CNTN1: variants seen among roughly 807,000 people sequenced by gnomAD.
CNTN1 encodes the protein contactin 1.
Under a neutral mutation model 126.4 loss-of-function variants are expected in CNTN1, and 38 were observed. The observed-to-expected ratio is 0.30, with a 90% confidence interval of 0.23 to 0.39. The LOEUF is 0.39. Among genes scored for constraint, CNTN1 ranks in the 10% least tolerant of loss-of-function variants. The pLI is 1.00. For synonymous variants in CNTN1, 413 were observed against 422.6 expected (o/e 0.98, Z 0.28); for missense variants, 1,009 against 1,248.4 (o/e 0.81, Z 2.89).
intron 14 of CNTN1, among the ~76,000 whole-genome samples, chr12:40,948,264 T>TC (rs1946512750): frequency 7.1e-6 from 1 of 141,100 alleles, no homozygotes; most frequent in Non-Finnish European, 1.5e-5. Flanking sequence ...CTTTCTTTTT[T>TC]TTTTTTTTTT....
Position 40,922,259 on chromosome 12 carries a change from G to T in CNTN1, c.231G>T (p.Trp77Cys). The T allele has an allele frequency of 6.2e-7, 1 of 1,613,792 alleles. No homozygotes were observed. Reference sequence around the variant, plus strand: ...CCTTTGTGTCTTTTTCTCATAGATGGAGAATGAATAATGGGGACGTTGATC... The same window carrying T: ...CCTTTGTGTCTTTTTCTCATAGATGTAGAATGAATAATGGGGACGTTGATC... The part of the protein sequence containing the change: ...ARASPFPVYK[W>C]RMNNGDVDLT... Residue 77 changes from tryptophan (W) to cysteine (C), a missense_variant, in exon 5 of 24, where the codon TGG becomes TGT. Trp to Cys is a radical substitution (Grantham distance 215, BLOSUM62 -2). Transcript: ENST00000551295.
intron 1 of CNTN1, among the ~76,000 whole-genome samples, chr12:40,693,498 CAG>C (rs1226108777): frequency 2.0e-5 from 3 of 152,340 alleles, no homozygotes; most frequent in Admixed American, 6.5e-5. Context: ...AGAAGAATTG[CAG>C]AGAGATCCGA....
At chr12:40,713,936 C>T (rs1941987179) in intron 1 of CNTN1, among the ~76,000 whole-genome samples, 1 of 152,014 alleles carries the variant, frequency 6.6e-6, no homozygotes, top group Non-Finnish European at 1.5e-5. Context: ...CTCTATTTCT[C>T]ACTGCTAAGA....
At position 41,071,083 on chromosome 12, in the gene CNTN1, CAATAATAAT is replaced by C. The variant is rs3072067; in HGVS notation, c.*1061_*1069del. 6.6e-6 allele frequency: 1 copy of C among 150,436 alleles called. No homozygotes were observed. Among genetic ancestry groups the C allele is most frequent in the Non-Finnish European group, 1.5e-5 (1 of 67,570 alleles). 9.3% of individuals were successfully genotyped at this position (150,436 alleles called of 1,614,324 possible). On this transcript the variant is annotated 3_prime_UTR_variant, in exon 24 of 24. Coordinates refer to ENST00000551295, the MANE Select transcript of CNTN1 (RefSeq NM_001843.4). Reference sequence around the variant, plus strand: ...ACCGTATTCCATTTTGTAAAAATAACAATAATAATAATAATAATAATTAGTTTTAAGCTC... The same window carrying C: ...ACCGTATTCCATTTTGTAAAAATAACAATAATAATAATTAGTTTTAAGCTC...
At chr12:40,958,111 A>G (rs1018173881) in intron 14 of CNTN1, among the ~76,000 whole-genome samples, 2 of 152,044 alleles carry the variant, frequency 1.3e-5, no homozygotes, top group African/African-American at 2.4e-5. Flanking sequence ...ATTCTAAGAA[A>G]ATATCTTGGA....
chr12:40,723,679 A>G (rs930983171), intron 1 of CNTN1, among the ~76,000 whole-genome samples: 1 of 152,174 alleles, frequency 6.6e-6, no homozygotes, highest in African/African-American at 2.4e-5. Flanking sequence ...TTAGGATTGT[A>G]CCACAGTAAG....
intron 23 of CNTN1, among the ~76,000 whole-genome samples, chr12:41,061,161 T>C (rs927182688): frequency 1.3e-5 from 2 of 152,158 alleles, no homozygotes; most frequent in Non-Finnish European, 2.9e-5. Context: ...GTTTTAAAAG[T>C]CCTCATAATT....
intron 15 of CNTN1, among the ~76,000 whole-genome samples, chr12:40,977,843 C>G (rs967664250): frequency 6.6e-6 from 1 of 151,702 alleles, no homozygotes; most frequent in Non-Finnish European, 1.5e-5. Context: ...CACTCTGTCA[C>G]CCAGGCTGGA....
At chr12:40,733,424 G>C (rs192639971) in intron 1 of CNTN1, among the ~76,000 whole-genome samples, 1 of 151,594 alleles carries the variant, frequency 6.6e-6, no homozygotes, top group Non-Finnish European at 1.5e-5. Context: ...GCACAATGTG[G>C]GGTTCATATT....
At chr12:40,915,735 T>C (rs1945210199) in intron 3 of CNTN1, among the ~76,000 whole-genome samples, 1 of 152,112 alleles carries the variant, frequency 6.6e-6, no homozygotes, top group Admixed American at 6.6e-5. Flanking sequence ...AATCCTTTTT[T>C]TTTCTTTGAT....
chr12:40,908,066 T>C (rs1158963714), intron 1 of CNTN1, among the ~76,000 whole-genome samples: 3 of 152,204 alleles, frequency 2.0e-5, no homozygotes, highest in Non-Finnish European at 4.4e-5. Context: ...CCTAAACACA[T>C]GATTGAGTGA....
chr12:41,064,585 C>T (rs1335065944), intron 23 of CNTN1, among the ~76,000 whole-genome samples: 3 of 152,138 alleles, frequency 2.0e-5, no homozygotes, highest in East Asian at 1.9e-4. Flanking sequence ...TAAGCAGAGT[C>T]CCACATGTTC....
rs76625216 is a variant in CNTN1 at position 40,937,923 on chromosome 12, A to T, written c.1228+236A>T. ...TCAGAGCATCAGCAGCAGTGGCCAT[A>T]CCTAGGAGCACATTAGAAGTGCAGA... On this transcript the variant is annotated intron_variant, in intron 11 of 23. Transcript: ENST00000551295. Among the ~76,000 whole-genome samples the T allele has an allele frequency of 0.066, 9,998 of 152,178 alleles. 641 individuals carry two copies. The highest frequency in any genetic ancestry group is 0.17 in the African/African-American group (6,978 of 41,506).
intron 6 of CNTN1, among the ~76,000 whole-genome samples, 196 bp from the exon 7 acceptor site, chr12:40,929,600 C>T (rs1945811402): frequency 6.6e-6 from 1 of 151,876 alleles, no homozygotes; most frequent in Admixed American, 6.6e-5. Context: ...GATGTAATTG[C>T]TTAGTGTAAT....
chr12:40,710,037 T>TTA (rs1180072364), intron 1 of CNTN1, among the ~76,000 whole-genome samples: 17 of 152,204 alleles, frequency 1.1e-4, no homozygotes, highest in African/African-American at 4.1e-4. Context: ...CATAGCTTCC[T>TTA]TACTAATCTT....
At chr12:40,963,897 G>A (rs1305269838) in intron 15 of CNTN1, among the ~76,000 whole-genome samples, 3 of 152,054 alleles carry the variant, frequency 2.0e-5, no homozygotes, top group Non-Finnish European at 4.4e-5. Flanking sequence ...CAAGAGTTTT[G>A]CAGGATTTAT....
chr12:41,056,906 A>C lies in CNTN1; in HGVS notation c.2981-13053A>C, dbSNP rs577283422. On this transcript the variant is annotated intron_variant, in intron 23 of 23. Coordinates refer to ENST00000551295, the MANE Select transcript of CNTN1 (RefSeq NM_001843.4). ...TTATAAATATTATATTTAGATATTT[A>C]TAAATATTTATAATATTTAGATATT... 2.1e-3 allele frequency among the ~76,000 whole-genome samples: 197 copies of C among 95,334 alleles called. 8 individuals are homozygous for C. The highest frequency in any genetic ancestry group is 8.8e-3 in the African/African-American group (186 of 21,070). 62.5% of individuals were successfully genotyped at this position (95,334 alleles called of 152,430 possible). A position where few individuals can be genotyped will look rare whatever the true frequency, so the allele number is the denominator to read the frequency against.
At chr12:40,990,868 A>G (rs2120483358) in intron 16 of CNTN1, among the ~76,000 whole-genome samples, 1 of 152,230 alleles carries the variant, frequency 6.6e-6, no homozygotes, top group South Asian at 2.1e-4. Context: ...TAAAACCCTT[A>G]AATTGTGCTG....
At chr12:41,032,794 A>G (rs1173833150) in intron 23 of CNTN1, among the ~76,000 whole-genome samples, 1 of 152,206 alleles carries the variant, frequency 6.6e-6, no homozygotes, top group Non-Finnish European at 1.5e-5. Context: ...GTATTTGTTT[A>G]TCATGTCTCT....
Sources: gnomAD v4.1 joint callset for allele counts (sites outside exome capture counted in the v4.1 genomes callset) on GRCh38, gnomAD v4.1.1 for gene constraint, MANE v1.5 for transcripts, NCBI Gene and HGNC (gene_info 2026-07-23, HGNC 2026-07-21) for gene names.